NF1: variants seen among roughly 807,000 people sequenced by gnomAD.
NF1 encodes neurofibromin.
A neutral mutation model predicts 325.7 loss-of-function variants in NF1; 122 were observed. The ratio of observed to expected loss-of-function variants is 0.37; its 90% CI spans 0.32 to 0.44. The LOEUF (loss-of-function observed/expected upper bound fraction) is 0.44, where lower values mean the gene tolerates loss of function less well. NF1 is among the 20% of genes least tolerant of loss of function. NF1 has a pLI of 1.00. For synonymous variants in NF1, 1,091 were observed against 1,186.0 expected (o/e 0.92, Z 1.65); for missense variants, 2,140 against 3,415.4 (o/e 0.63, Z 9.31).
intron 36 of NF1, among the ~76,000 whole-genome samples, chr17:31,282,407 A>G (rs889468750): frequency 6.6e-6 from 1 of 151,092 alleles, no homozygotes; most frequent in Non-Finnish European, 1.5e-5. Flanking sequence ...AAAGTATACA[A>G]TTTTGCATAT....
Position 31,338,729 on chromosome 17 carries a change from C to T in NF1, c.6845C>T (p.Pro2282Leu), listed in dbSNP as rs2069743547. Residue 2282 changes from proline (P) to leucine (L), a missense_variant, in exon 46 of 58, where the codon CCT becomes CTT. Around this residue, in one of 10 missense-constraint regions of NF1, gnomAD observed 522 missense variants for 749.0 expected, o/e 0.70. Transcript: ENST00000358273. ...GCACTTGAGAGTTGCTTAAAAGGAC[C>T]TGACACTTACAACAGTCAAGTTCTG... ...SKALESCLKG[P>L]DTYNSQVLIE... 6.2e-7 allele frequency: 1 copy of T among 1,613,096 alleles called. No homozygotes were observed. The highest frequency in any genetic ancestry group is 8.5e-7 in the Non-Finnish European group (1 of 1,179,386).
intron 46 of NF1, among the ~76,000 whole-genome samples, chr17:31,339,990 GGACTGGATA>G (rs1377276647): frequency 2.0e-5 from 3 of 152,162 alleles, no homozygotes; most frequent in African/African-American, 7.2e-5. Flanking sequence ...AAAGTTGTGA[GGACTGGATA>G]GACCTCATCT....
rs2066926589 is a variant in NF1, at chr17:31,221,832, C to T, written c.1642-18C>T. Reference sequence around the variant, plus strand: ...GAGTGAGTCTTCTCTTTGTCTTTCTCTTTTTTAAAAAATTCAGGCTCTGCT... The same window carrying T: ...GAGTGAGTCTTCTCTTTGTCTTTCTTTTTTTTAAAAAATTCAGGCTCTGCT... On this transcript the variant is annotated intron_variant, in intron 14 of 57. Coordinates refer to ENST00000358273, the MANE Select transcript of NF1 (RefSeq NM_001042492.3). The T allele has an allele frequency of 6.3e-7, 1 of 1,578,116 alleles. No individual in the cohort carries two copies. Among genetic ancestry groups the T allele is most frequent in the Non-Finnish European group, 8.6e-7 (1 of 1,156,762 alleles).
intron 39 of NF1, chr17:31,330,716 G>T: frequency 1.8e-6 from 1 of 561,916 alleles, no homozygotes; most frequent in Non-Finnish European, 3.1e-6. Context: ...GATAATAAAA[G>T]CAAAGCGGCA....
intron 36 of NF1, among the ~76,000 whole-genome samples, chr17:31,281,869 C>T (rs953997678): frequency 2.6e-5 from 4 of 151,856 alleles, no homozygotes; most frequent in African/African-American, 9.7e-5. Flanking sequence ...CCAGCCTGGG[C>T]AACATAGTGA....
intron 36 of NF1, among the ~76,000 whole-genome samples, chr17:31,320,690 A>T (rs1323172421): frequency 6.6e-6 from 1 of 152,194 alleles, no homozygotes; most frequent in Non-Finnish European, 1.5e-5. Context: ...TTTAGTAGAC[A>T]ATTAAAGGCC....
At chr17:31,099,441 A>G (rs555775474) in intron 1 of NF1, among the ~76,000 whole-genome samples, 36 of 152,334 alleles carry the variant, frequency 2.4e-4, no homozygotes, top group African/African-American at 8.2e-4. Flanking sequence ...ACAGTTGCAC[A>G]GGTGGACAGC....
At chr17:31,232,042 AAT>A in intron 24 of NF1, 29 bp from the exon 25 acceptor site, 3 of 1,025,610 alleles carry the variant, frequency 2.9e-6, no homozygotes, top group Admixed American at 2.6e-5. Flanking sequence ...ATGGTCTCTA[AAT>A]TTTTTTTTTT....
chr17:31,374,259 C>CA lies in NF1; in HGVS notation c.*104_*105insA, dbSNP rs1357116783. ...CCCCCATGTTGTAATGCTGCACTTC[C>CA]TGTTTTATAATGAACCCATCCGGTT... On this transcript the variant is annotated 3_prime_UTR_variant, in exon 58 of 58. Coordinates refer to ENST00000358273, the MANE Select transcript of NF1 (RefSeq NM_001042492.3). 1.4e-6 allele frequency: 2 copies of CA among 1,473,022 alleles called. No individual in the cohort carries two copies. The highest frequency in any genetic ancestry group is 1.9e-6 in the Non-Finnish European group (2 of 1,057,894). The allele number at this position is 1,473,022 out of a possible 1,614,324, so 91.2% of individuals were successfully genotyped here.
At chr17:31,184,741 C>T (rs543957583) in intron 8 of NF1, among the ~76,000 whole-genome samples, 2 of 152,166 alleles carry the variant, frequency 1.3e-5, no homozygotes, top group South Asian at 4.2e-4. Flanking sequence ...AGATACTGAG[C>T]CTCAAATCTG....
chr17:31,166,306 T>C (rs1370097290), intron 4 of NF1, among the ~76,000 whole-genome samples: 1 of 152,246 alleles, frequency 6.6e-6, no homozygotes, highest in Non-Finnish European at 1.5e-5. Context: ...TCTCTGATCA[T>C]TTAAAACGTA....
intron 1 of NF1, among the ~76,000 whole-genome samples, chr17:31,132,018 C>T (rs1915430853): frequency 6.6e-6 from 1 of 152,024 alleles, no homozygotes; most frequent in African/African-American, 2.4e-5. Context: ...GCAGCCTTAA[C>T]CTCCTGGGCT....
At chr17:31,272,866 A>G (rs970795106) in intron 36 of NF1, 1 of 152,154 alleles carries the variant, frequency 6.6e-6, no homozygotes, top group African/African-American at 2.4e-5. Flanking sequence ...TGTTATGTAA[A>G]TGTTTGCTTT....
intron 36 of NF1, chr17:31,295,325 T>G: frequency 6.2e-7 from 1 of 1,614,168 alleles, no homozygotes; most frequent in Non-Finnish European, 8.5e-7. Context: ...GGATGTATCT[T>G]CTGGATAGGG....
At chr17:31,104,671 G>A (rs1224904273) in intron 1 of NF1, among the ~76,000 whole-genome samples, 1 of 152,166 alleles carries the variant, frequency 6.6e-6, no homozygotes, top group East Asian at 1.9e-4. Context: ...TAGTGACTGT[G>A]AATTAAGTTT....
At chr17:31,199,294 C>T (rs2066486081) in intron 8 of NF1, among the ~76,000 whole-genome samples, 1 of 152,152 alleles carries the variant, frequency 6.6e-6, no homozygotes, top group South Asian at 2.1e-4. Flanking sequence ...TTTCATTTAT[C>T]TCACGTTGGT....
intron 4 of NF1, among the ~76,000 whole-genome samples, chr17:31,166,395 T>G (rs2065845120): frequency 6.6e-6 from 1 of 152,238 alleles, no homozygotes; most frequent in Non-Finnish European, 1.5e-5. Context: ...CATCTCAGTT[T>G]TGGAATCCTT....
rs1293413603 is a variant in NF1 at position 31,227,323 on chromosome 17, AG to A, written c.2325+34del. 34 of 1,607,180 alleles carry A rather than the reference AG, an allele frequency of 2.1e-5. No homozygotes were observed. In the Admixed American group the frequency reaches 4.2e-4, roughly 20 times the overall value. On this transcript the variant is annotated intron_variant, in intron 19 of 57. Transcript: ENST00000358273. ...CCTTAGCAACAGAAACACCCCTCCC[AG>A]GCGCCCACCCTCAATTTGGAAGCCT...
At chr17:31,199,653 A>G (rs1403238073) in intron 8 of NF1, among the ~76,000 whole-genome samples, 1 of 152,306 alleles carries the variant, frequency 6.6e-6, no homozygotes, top group East Asian at 1.9e-4. Flanking sequence ...CATCACAAGA[A>G]TAGGTAATTT....
Sources: gnomAD v4.1 joint callset for allele counts (sites outside exome capture counted in the v4.1 genomes callset) on GRCh38, gnomAD v4.1.1 for gene constraint, gnomAD v4.1.1 regional missense constraint, MANE v1.5 for transcripts, NCBI Gene and HGNC (gene_info 2026-07-23, HGNC 2026-07-21) for gene names.